ABCB4: variants seen among roughly 807,000 people sequenced by gnomAD.
ABCB4 encodes phosphatidylcholine translocator ABCB4.
ABCB4 carries 76 observed loss-of-function variants against 145.7 expected under a neutral mutation model. The ratio of observed to expected loss-of-function variants is 0.52; its 90% CI spans 0.43 to 0.63. The LOEUF is 0.63. ABCB4 is among the 30% of genes least tolerant of loss of function. ABCB4 has a pLI of 0.00. For missense variants in ABCB4, 1,234 were observed against 1,553.1 expected (o/e 0.79, Z 3.45); for synonymous variants, 517 against 566.8 (o/e 0.91, Z 1.25).
intron 18 of ABCB4, 83 bp downstream of exon 18, chr7:87,422,038 A>C (rs1424384593): frequency 9.9e-7 from 1 of 1,008,378 alleles, no homozygotes; most frequent in African/African-American, 1.6e-5. Flanking sequence ...TCACTGTAAG[A>C]ATTTGGAAGC....
At chr7:87,468,150 A>G (rs1813066439) in intron 3 of ABCB4, among the ~76,000 whole-genome samples, 1 of 152,220 alleles carries the variant, frequency 6.6e-6, no homozygotes, top group African/African-American at 2.4e-5. Flanking sequence ...GACTGCTAGC[A>G]AGACCAATAA....
At chr7:87,414,011 A>T (rs796734002) in intron 21 of ABCB4, among the ~76,000 whole-genome samples, 35 of 152,316 alleles carry the variant, frequency 2.3e-4, no homozygotes, top group African/African-American at 8.2e-4. Flanking sequence ...CCAGCCTGCC[A>T]CCAGGCAGTT....
the ABCB4 span, among the ~76,000 whole-genome samples, chr7:87,396,097 G>A: frequency 3.5e-4 from 53 of 152,182 alleles, no homozygotes; most frequent in African/African-American, 1.2e-3. Context: ...AGAGATTGTC[G>A]ATATGGCAAA....
chr7:87,393,155 C>T, the ABCB4 span: 2 of 1,354,264 alleles, frequency 1.5e-6, no homozygotes, highest in Non-Finnish European at 2.0e-6. Flanking sequence ...CACTGTGATT[C>T]TTATATTGCC....
intron 18 of ABCB4, among the ~76,000 whole-genome samples, chr7:87,420,826 A>G (rs1809362372): frequency 6.6e-6 from 1 of 152,190 alleles, no homozygotes; most frequent in African/African-American, 2.4e-5. Flanking sequence ...TTTATTTTTC[A>G]AAACTTTGAA....
chr7:87,403,358 A>G, intron 26 of ABCB4, 77 bp from the exon 27 acceptor site: 1 of 1,345,666 alleles, frequency 7.4e-7, no homozygotes, highest in Non-Finnish European at 1.1e-6. Flanking sequence ...CAAGAAAAAC[A>G]TTTAGAGTCA....
chr7:87,393,062 T>C, the ABCB4 span: 2 of 1,613,060 alleles, frequency 1.2e-6, no homozygotes, highest in Admixed American at 1.7e-5. Context: ...ATATCAGAGA[T>C]GACAGGTGAG....
At chr7:87,403,331 G>A (rs891057430) in intron 26 of ABCB4, 50 bp from the exon 27 acceptor site, 1 of 1,525,914 alleles carries the variant, frequency 6.6e-7, no homozygotes, top group Non-Finnish European at 9.1e-7. Context: ...TTGCTTAACA[G>A]TTGACAGTTC....
intron 3 of ABCB4, among the ~76,000 whole-genome samples, chr7:87,468,395 G>A (rs1394588440): frequency 6.7e-6 from 1 of 149,610 alleles, no homozygotes; most frequent in Non-Finnish European, 1.5e-5. Flanking sequence ...GAAATTAATA[G>A]CTTACCAACC....
intron 15 of ABCB4, among the ~76,000 whole-genome samples, chr7:87,429,862 T>A (rs1288471842): frequency 6.6e-6 from 1 of 151,800 alleles, no homozygotes; most frequent in Non-Finnish European, 1.5e-5. Flanking sequence ...ATTTGCAAAT[T>A]TTAGTAACCA....
chr7:87,465,151 C>A (rs1471391877), intron 3 of ABCB4, among the ~76,000 whole-genome samples: 1 of 152,182 alleles, frequency 6.6e-6, no homozygotes, highest in Non-Finnish European at 1.5e-5. Context: ...ACAGACGGCA[C>A]CTGGAAAATC....
the ABCB4 span, among the ~76,000 whole-genome samples, chr7:87,367,658 T>C: frequency 1.3e-5 from 2 of 152,350 alleles, no homozygotes; most frequent in East Asian, 3.9e-4. Context: ...AACTCTTCTA[T>C]ATCTGTGCTG....
At chr7:87,438,269 T>C (rs973865769) in intron 14 of ABCB4, among the ~76,000 whole-genome samples, 5 of 152,200 alleles carry the variant, frequency 3.3e-5, no homozygotes, top group African/African-American at 9.6e-5. Flanking sequence ...TATGCATGTA[T>C]TACTTTATGA....
At chr7:87,415,381 C>T (rs533103186) in intron 21 of ABCB4, among the ~76,000 whole-genome samples, 9 of 152,118 alleles carry the variant, frequency 5.9e-5, no homozygotes, top group East Asian at 3.9e-4. Context: ...ACCTTCTTTC[C>T]GACTCTTAAG....
At chr7:87,399,442 T>C (rs922219086), downstream of ABCB4, 1 of 152,054 alleles carries the variant, frequency 6.6e-6, no homozygotes, top group Admixed American at 6.5e-5. Context: ...GCCCTTATGC[T>C]ATAGCCTGGG....
the ABCB4 span, among the ~76,000 whole-genome samples, chr7:87,372,997 G>C: frequency 6.6e-6 from 1 of 152,076 alleles, no homozygotes; most frequent in African/African-American, 2.4e-5. Flanking sequence ...ATATTTTAGG[G>C]GTAGAATTGC....
chr7:87,415,288 C>T (rs1808889747), intron 21 of ABCB4, among the ~76,000 whole-genome samples: 1 of 152,066 alleles, frequency 6.6e-6, no homozygotes, highest in Non-Finnish European at 1.5e-5. Context: ...ACCTCAAACC[C>T]TGTTGTACTT....
At chr7:87,386,087 C>A in the ABCB4 span, among the ~76,000 whole-genome samples, 3 of 152,060 alleles carry the variant, frequency 2.0e-5, no homozygotes, top group Admixed American at 2.0e-4. Context: ...TTGAGGATTT[C>A]TGCATCTGTG....
chr7:87,472,364 T>C lies in ABCB4; in HGVS notation c.135+257A>G, dbSNP rs45512791. ...TAGCTGGGACTACAGGTTCATGCCA[T>C]GACATATGCTATTTTTTAAGATTTT... On this transcript the variant is annotated intron_variant, in intron 3 of 27. Coordinates refer to ENST00000649586, the MANE Select transcript of ABCB4 (RefSeq NM_000443.4). Among the ~76,000 whole-genome samples, 3,612 of 152,092 alleles carry C rather than the reference T, an allele frequency of 0.024. 140 individuals are homozygous for C. Among genetic ancestry groups the C allele is most frequent in the African/African-American group, 0.083 (3,438 of 41,464 alleles).
Sources: gnomAD v4.1 joint callset for allele counts (sites outside exome capture counted in the v4.1 genomes callset) on GRCh38, gnomAD v4.1.1 for gene constraint, MANE v1.5 for transcripts, NCBI Gene and HGNC (gene_info 2026-07-23, HGNC 2026-07-21) for gene names.